The following MAGI2 variants were observed in gnomAD, a reference collection of about 807,000 sequenced individuals.
MAGI2 encodes membrane associated guanylate kinase, WW and PDZ domain containing 2, also known as membrane-associated guanylate kinase, WW and PDZ domain-containing protein 2.
A neutral mutation model predicts 133.3 loss-of-function variants in MAGI2; 35 were observed. The observed-to-expected ratio is 0.26, with a 90% confidence interval of 0.20 to 0.35. MAGI2 has a LOEUF of 0.35. Among genes scored for constraint, MAGI2 ranks in the 10% least tolerant of loss-of-function variants. The probability of loss-of-function intolerance (pLI) is 1.00; values close to 1 mark genes in which losing one functional copy is unlikely to be tolerated. For missense variants in MAGI2, 1,636 were observed against 1,863.4 expected, an observed-to-expected ratio of 0.88 and a Z score of 2.25; for synonymous variants, 729 against 710.6, an observed-to-expected ratio of 1.03 and a Z score of -0.41.
At chr7:78,882,086 C>CAAAAAAAAAAAAAAAAAAAA (rs771918590) in intron 2 of MAGI2, among the ~76,000 whole-genome samples, 11 of 12,470 alleles carry the variant, frequency 8.8e-4, no homozygotes, top group East Asian at 3.2e-3. Context: ...ACAACAACAA[C>CAAAAAAAAAAAAAAAAAAAA]AAAAAAAAAA....
intron 2 of MAGI2, among the ~76,000 whole-genome samples, chr7:78,865,217 T>C (rs1294463115): frequency 1.3e-5 from 2 of 152,136 alleles, no homozygotes; most frequent in Non-Finnish European, 2.9e-5. Context: ...GGAAAGATGA[T>C]ATTGGGTTTG....
chr7:78,584,272 T>G (rs1803158011), intron 3 of MAGI2, among the ~76,000 whole-genome samples: 2 of 151,550 alleles, frequency 1.3e-5, no homozygotes, highest in Admixed American at 1.3e-4. Flanking sequence ...ATACAAAAAG[T>G]AGTCGGGCAT....
chr7:78,712,229 T>C (rs1195129915), intron 2 of MAGI2, among the ~76,000 whole-genome samples: 1 of 152,190 alleles, frequency 6.6e-6, no homozygotes, highest in Non-Finnish European at 1.5e-5. Flanking sequence ...CTGGATGTGA[T>C]GCACATCATT....
intron 9 of MAGI2, among the ~76,000 whole-genome samples, chr7:78,299,350 G>A (rs1344743237): frequency 1.3e-5 from 2 of 152,148 alleles, no homozygotes; most frequent in East Asian, 3.8e-4. Flanking sequence ...TATCTAGCAG[G>A]AAGGGTATGG....
intron 2 of MAGI2, among the ~76,000 whole-genome samples, chr7:78,641,229 T>C (rs1175823443): frequency 6.6e-6 from 1 of 152,174 alleles, no homozygotes; most frequent in East Asian, 1.9e-4. Flanking sequence ...AGTGTAAGAA[T>C]GGACTAATAT....
intron 1 of MAGI2, among the ~76,000 whole-genome samples, chr7:79,375,992 T>G (rs1275114313): frequency 2.0e-5 from 3 of 151,946 alleles, no homozygotes; most frequent in Non-Finnish European, 4.4e-5. Flanking sequence ...AATGATTCTT[T>G]TATATAGGTT....
intron 2 of MAGI2, among the ~76,000 whole-genome samples, chr7:79,002,009 G>A (rs1271476701): frequency 6.6e-6 from 1 of 151,900 alleles, no homozygotes. Flanking sequence ...GATGACAACG[G>A]TTTTGTCTCA....
intron 1 of MAGI2, among the ~76,000 whole-genome samples, chr7:79,028,328 C>CAT (rs57985330): frequency 1.7e-5 from 2 of 116,416 alleles, no homozygotes; most frequent in Non-Finnish European, 3.5e-5. Context: ...CATATATATA[C>CAT]ATATATATAC....
chr7:78,250,104 T>C (rs1046050914), intron 10 of MAGI2, among the ~76,000 whole-genome samples: 14 of 152,038 alleles, frequency 9.2e-5, no homozygotes, highest in Admixed American at 4.6e-4. Flanking sequence ...TGAACTAATA[T>C]ATAAAACCCT....
rs771481334 is a variant in MAGI2, at chr7:78,133,064, C to T, written c.3032-4G>A. The T allele has an allele frequency of 8.5e-6, 13 of 1,537,620 alleles. No homozygotes were observed. Among genetic ancestry groups the T allele is most frequent in the East Asian group, 2.3e-5 (1 of 42,726 alleles). On this transcript the variant is annotated splice_polypyrimidine_tract_variant and splice_region_variant and intron_variant, in intron 17 of 21. Coordinates refer to ENST00000354212, the MANE Select transcript of MAGI2 (RefSeq NM_012301.4). ...GCCGAGGTGGGGCTGTTGAGCTCTGCGATGGAGAACCAAAGCGGCAGATGC... is the reference window on the plus strand; with the variant it reads ...GCCGAGGTGGGGCTGTTGAGCTCTGTGATGGAGAACCAAAGCGGCAGATGC...
intron 1 of MAGI2, among the ~76,000 whole-genome samples, chr7:79,058,847 C>T (rs1393502998): frequency 6.6e-6 from 1 of 152,102 alleles, no homozygotes; most frequent in Non-Finnish European, 1.5e-5. Flanking sequence ...TGATGCAGGG[C>T]ACCCCTGGGT....
chr7:78,937,138 C>T (rs1188504684), intron 2 of MAGI2, among the ~76,000 whole-genome samples: 1 of 151,858 alleles, frequency 6.6e-6, no homozygotes, highest in Non-Finnish European at 1.5e-5. Context: ...ACGTGCTCCC[C>T]TAAAAGGAAT....
chr7:78,436,955 C>A (rs1800348908), intron 6 of MAGI2, among the ~76,000 whole-genome samples: 1 of 152,158 alleles, frequency 6.6e-6, no homozygotes, highest in South Asian at 2.1e-4. Context: ...GTGGCAGGGG[C>A]ATGCAAAGAT....
intron 2 of MAGI2, among the ~76,000 whole-genome samples, chr7:78,627,715 T>C (rs2150956044): frequency 6.6e-6 from 1 of 152,332 alleles, no homozygotes; most frequent in Non-Finnish European, 1.5e-5. Context: ...TTGGGAGGAC[T>C]GTTTGTTGGT....
At chr7:79,385,872 G>C (rs1258069650) in intron 1 of MAGI2, among the ~76,000 whole-genome samples, 1 of 151,896 alleles carries the variant, frequency 6.6e-6, no homozygotes, top group Non-Finnish European at 1.5e-5. Context: ...CTGTGAGATA[G>C]TAGATGTTAA....
chr7:78,211,535 T>TCACATCTGTGAGC (rs1389418979), intron 10 of MAGI2, among the ~76,000 whole-genome samples: 1 of 152,204 alleles, frequency 6.6e-6, no homozygotes, highest in Non-Finnish European at 1.5e-5. Flanking sequence ...GCTTTGTGGC[T>TCACATCTGTGAGC]CACAGATGCA....
intron 6 of MAGI2, among the ~76,000 whole-genome samples, chr7:78,387,958 AAATAAATAAATAAAT>A (rs1389164052): frequency 2.0e-5 from 2 of 99,966 alleles, no homozygotes. Context: ...ATAAATAAAT[AAATAAATAAATAAAT>A]AAAATAATAA....
chr7:78,346,134 G>A lies in MAGI2; in HGVS notation c.1104-91C>T, dbSNP rs144816605. On this transcript the variant is annotated intron_variant, in intron 7 of 21. Transcript: ENST00000354212. ...GCTCTATGGAGAGCAGGTGATTAAG[G>A]GCCACCTTATCTGATTACAGTCAAG... The A allele has an allele frequency of 6.8e-4, 970 of 1,430,120 alleles. 6 individuals are homozygous for A. The African/African-American group carries it at 0.013, about 19-fold the overall frequency. 88.6% of individuals were successfully genotyped at this position (1,430,120 alleles called of 1,614,324 possible). A position where few individuals can be genotyped will look rare whatever the true frequency, so the allele number is the denominator to read the frequency against.
intron 16 of MAGI2, among the ~76,000 whole-genome samples, chr7:78,145,432 A>G (rs1002647388): frequency 1.3e-5 from 2 of 151,692 alleles, no homozygotes; most frequent in Non-Finnish European, 2.9e-5. Context: ...AACCTTTATT[A>G]TACTATTTCT....
Sources: gnomAD v4.1 joint callset for allele counts (sites outside exome capture counted in the v4.1 genomes callset) on GRCh38, gnomAD v4.1.1 for gene constraint, MANE v1.5 for transcripts, NCBI Gene and HGNC (gene_info 2026-07-23, HGNC 2026-07-21) for gene names.